DACH1: variants seen among roughly 807,000 people sequenced by gnomAD.
DACH1 encodes the protein dachshund family transcription factor 1, also known as dachshund homolog 1.
DACH1 carries 12 observed loss-of-function variants against 54.2 expected under a neutral mutation model. That is an observed-to-expected ratio of 0.22 (90% CI 0.14 to 0.36). DACH1 has a LOEUF of 0.36. Among genes scored for constraint, DACH1 ranks in the 10% least tolerant of loss-of-function variants. The pLI is 1.00. For synonymous variants in DACH1, 386 were observed against 366.2 expected, an observed-to-expected ratio of 1.05 and a Z score of -0.62; for missense variants, 805 against 929.8, an observed-to-expected ratio of 0.87 and a Z score of 1.75.
intron 6 of DACH1, among the ~76,000 whole-genome samples, chr13:71,496,484 T>C (rs1879452312): frequency 6.6e-6 from 1 of 151,636 alleles, no homozygotes. Flanking sequence ...ATACTTCATG[T>C]TCTCATTTAT....
intron 1 of DACH1, among the ~76,000 whole-genome samples, chr13:71,687,048 A>G (rs1020919654): frequency 1.6e-4 from 25 of 152,160 alleles, no homozygotes; most frequent in African/African-American, 5.8e-4. Flanking sequence ...GGACACAAAC[A>G]AGCATTTACG....
intron 1 of DACH1, among the ~76,000 whole-genome samples, chr13:71,765,989 C>T (rs1885608799): frequency 1.3e-5 from 2 of 151,520 alleles, no homozygotes; most frequent in East Asian, 2.0e-4. Flanking sequence ...CGGGTTCACA[C>T]CATTCTCCTG....
chr13:71,862,264 C>T (rs1008898081), intron 1 of DACH1, among the ~76,000 whole-genome samples: 3 of 151,886 alleles, frequency 2.0e-5, no homozygotes, highest in Admixed American at 6.6e-5. Context: ...AACCTGAATT[C>T]GTGGAAAATT....
intron 1 of DACH1, among the ~76,000 whole-genome samples, chr13:71,703,119 AG>A (rs1190402433): frequency 6.6e-6 from 1 of 152,216 alleles, no homozygotes; most frequent in Non-Finnish European, 1.5e-5. Context: ...ATCTTAGCAG[AG>A]TCAAAAGATA....
In DACH1 at chr13:71,862,763, T is replaced by C. The variant is rs184932999; in HGVS notation, c.848+3159A>G. Among the ~76,000 whole-genome samples, 686 of 152,216 alleles carry C rather than the reference T, an allele frequency of 4.5e-3. 10 individuals carry two copies. Among genetic ancestry groups the C allele is most frequent in the African/African-American group, 0.016 (664 of 41,572 alleles). ...CTTTGAGCAAGTTTATGAACCTTAC[T>C]TTTCTGTAACATCATTTCGGTTCCT... On this transcript the variant is annotated intron_variant, in intron 1 of 10. Coordinates refer to ENST00000613252, the MANE Select transcript of DACH1 (RefSeq NM_080759.6).
chr13:71,630,203 T>G (rs1467615303), intron 3 of DACH1, among the ~76,000 whole-genome samples: 1 of 152,156 alleles, frequency 6.6e-6, no homozygotes, highest in Non-Finnish European at 1.5e-5. Flanking sequence ...AATAAAAAAG[T>G]AAAGTCTAGG....
At chr13:71,703,776 C>G (rs1279253049) in intron 1 of DACH1, among the ~76,000 whole-genome samples, 2 of 152,108 alleles carry the variant, frequency 1.3e-5, no homozygotes, top group Non-Finnish European at 1.5e-5. Flanking sequence ...TGCATTCACC[C>G]TTAGGGGAGG....
intron 2 of DACH1, among the ~76,000 whole-genome samples, chr13:71,666,675 C>T (rs1051679188): frequency 3.0e-4 from 45 of 149,708 alleles, no homozygotes; most frequent in African/African-American, 1.0e-3. Flanking sequence ...ATTTTAGGAG[C>T]AAAAAGTGAT....
rs552803422 is a variant in DACH1, at chr13:71,731,358, C to A, written c.849-49448G>T. 2.7e-5 allele frequency among the ~76,000 whole-genome samples: 4 copies of A among 147,552 alleles called. No homozygotes were observed. In the East Asian group the frequency reaches 6.2e-4, roughly 23 times the overall value. On this transcript the variant is annotated intron_variant, in intron 1 of 10. Coordinates refer to ENST00000613252, the MANE Select transcript of DACH1 (RefSeq NM_080759.6). Reference sequence around the variant, plus strand: ...CCAGGCTGGAGTGCAGTGGCACCATCTCGGCTCACTGCAAGCTCCACCTCC... The same window carrying A: ...CCAGGCTGGAGTGCAGTGGCACCATATCGGCTCACTGCAAGCTCCACCTCC...
chr13:71,478,258 A>G (rs1323580799), intron 8 of DACH1, among the ~76,000 whole-genome samples: 1 of 152,212 alleles, frequency 6.6e-6, no homozygotes, highest in African/African-American at 2.4e-5. Context: ...GAACTGTGCT[A>G]TACATCTGAG....
intron 3 of DACH1, among the ~76,000 whole-genome samples, chr13:71,603,705 T>C (rs1874673126): frequency 6.6e-6 from 1 of 151,940 alleles, no homozygotes. Flanking sequence ...ATGGGATAGA[T>C]ACTCCAACAA....
chr13:71,601,155 T>C (rs1874464402), intron 3 of DACH1, among the ~76,000 whole-genome samples: 1 of 152,056 alleles, frequency 6.6e-6, no homozygotes. Context: ...TTTGGTGGCA[T>C]TTGTCTTCTG....
At chr13:71,614,215 C>T (rs1875574697) in intron 3 of DACH1, among the ~76,000 whole-genome samples, 1 of 152,056 alleles carries the variant, frequency 6.6e-6, no homozygotes, top group South Asian at 2.1e-4. Flanking sequence ...AGAATTTAAC[C>T]ATTGGACTGC....
rs182181025 is a variant in DACH1, at chr13:71,800,075, G to A, written c.848+65847C>T. Among the ~76,000 whole-genome samples the A allele has an allele frequency of 4.6e-3, 697 of 152,032 alleles. 2 individuals carry two copies. The highest frequency in any genetic ancestry group is 0.02 in the Middle Eastern group (6 of 294). The stretch of plus-strand genomic sequence containing the variant: ...TCTGGGTCTTAATTTTGGCCTTTCC[G>A]CTGACACACAGGCTAGCCTCAAGTG... On this transcript the variant is annotated intron_variant, in intron 1 of 10. Transcript: ENST00000613252.
At chr13:71,515,852 A>G (rs1371549166) in intron 6 of DACH1, among the ~76,000 whole-genome samples, 2 of 151,860 alleles carry the variant, frequency 1.3e-5, no homozygotes, top group Non-Finnish European at 2.9e-5. Context: ...CACACGTTGT[A>G]ATAACTTATT....
chr13:71,519,193 C>G (rs1881385524), intron 6 of DACH1, among the ~76,000 whole-genome samples: 1 of 151,822 alleles, frequency 6.6e-6, no homozygotes, highest in African/African-American at 2.4e-5. Flanking sequence ...TAGTCTAGTT[C>G]TGGTTTCTCC....
chr13:71,596,218 T>C lies in DACH1; in HGVS notation c.1127-23206A>G, dbSNP rs532669874. The stretch of plus-strand genomic sequence containing the variant: ...CTGGAAATAGTGTATCTTGAAAATA[T>C]AAAATAGCTTACTTACTATTCCCTT... On this transcript the variant is annotated intron_variant, in intron 3 of 10. Coordinates refer to ENST00000613252, the MANE Select transcript of DACH1 (RefSeq NM_080759.6). 2.0e-5 allele frequency among the ~76,000 whole-genome samples: 3 copies of C among 152,270 alleles called. No individual in the cohort carries two copies. In the South Asian group the frequency reaches 6.2e-4, roughly 32 times the overall value.
intron 1 of DACH1, among the ~76,000 whole-genome samples, chr13:71,687,474 GA>G (rs1241783917): frequency 1.3e-5 from 2 of 151,826 alleles, no homozygotes; most frequent in East Asian, 1.9e-4. Flanking sequence ...TAAATACATA[GA>G]AAAAAAGACT....
At chr13:71,482,358 A>G (rs1203635260) in intron 7 of DACH1, among the ~76,000 whole-genome samples, 1 of 152,196 alleles carries the variant, frequency 6.6e-6, no homozygotes, top group East Asian at 1.9e-4. Flanking sequence ...TTAATAACCT[A>G]GCTAGATCCT....
Sources: allele counts gnomAD v4.1 joint callset (sites outside exome capture counted in the v4.1 genomes callset), GRCh38; gene constraint gnomAD v4.1.1; transcripts MANE v1.5; gene names NCBI Gene and HGNC (gene_info 2026-07-23, HGNC 2026-07-21).